The following IGFL2 variants were observed in gnomAD, a reference collection of about 807,000 sequenced individuals.
IGFL2 encodes insulin growth factor-like family member 2.
In IGFL2, 7 loss-of-function variants were observed where a neutral mutation model predicts 13.9. That is an observed-to-expected ratio of 0.51 (90% confidence interval 0.29 to 0.95). The LOEUF (loss-of-function observed/expected upper bound fraction) is 0.95, where lower values mean the gene tolerates loss of function less well. Ranked by LOEUF, IGFL2 falls within the 40% of genes least tolerant of loss-of-function variation. The probability of loss-of-function intolerance (pLI) is 0.08; values close to 1 mark genes in which losing one functional copy is unlikely to be tolerated. For synonymous variants in IGFL2, 55 were observed against 55.8 expected (o/e 0.99, Z 0.07); for missense variants, 138 against 147.8 (o/e 0.93, Z 0.34).
chr19:46,179,346 TGG>T, the IGFL2 span: 726 of 42,190 alleles, frequency 0.017, 8 homozygotes, highest in African/African-American at 0.062. Flanking sequence ...GGTCATAGGG[TGG>T]GGGGGGTCTG....
At chr19:46,146,589 G>A (rs570653653), upstream of IGFL2, among the ~76,000 whole-genome samples, 5 of 152,226 alleles carry the variant, frequency 3.3e-5, no homozygotes, top group African/African-American at 1.2e-4. Context: ...ACCACGACAT[G>A]ATATACCACT....
chr19:46,114,679 C>A, the IGFL2 span, among the ~76,000 whole-genome samples: 1 of 152,296 alleles, frequency 6.6e-6, no homozygotes, highest in Admixed American at 6.5e-5. Flanking sequence ...TTCTCCTTCT[C>A]TCTCTCCTGC....
chr19:46,164,509 A>G (rs1357273620), downstream of IGFL2: 2 of 152,230 alleles, frequency 1.3e-5, no homozygotes, highest in Non-Finnish European at 1.5e-5. Flanking sequence ...GAACATCAGC[A>G]GGGGTGGCTG....
chr19:46,101,592 GC>G, the IGFL2 span, among the ~76,000 whole-genome samples: 1 of 152,248 alleles, frequency 6.6e-6, no homozygotes, highest in Admixed American at 6.5e-5. Context: ...AAAAACGGCA[GC>G]CCCGAGCTGT....
chr19:46,121,003 A>G, the IGFL2 span, among the ~76,000 whole-genome samples: 1 of 150,700 alleles, frequency 6.6e-6, no homozygotes, highest in Non-Finnish European at 1.5e-5. Flanking sequence ...TTCATATCCA[A>G]CTTGTAGCCC....
the IGFL2 span, among the ~76,000 whole-genome samples, chr19:46,131,561 G>A: frequency 2.6e-5 from 4 of 152,158 alleles, no homozygotes; most frequent in South Asian, 8.3e-4. Flanking sequence ...TTTTTATTAG[G>A]TCTAGTTTGC....
chr19:46,125,880 T>C, the IGFL2 span, among the ~76,000 whole-genome samples: 1 of 152,202 alleles, frequency 6.6e-6, no homozygotes, highest in Admixed American at 6.5e-5. Flanking sequence ...AATAATATCT[T>C]TAATATACAA....
At chr19:46,117,207 T>G in the IGFL2 span, among the ~76,000 whole-genome samples, 1 of 152,166 alleles carries the variant, frequency 6.6e-6, no homozygotes, top group Non-Finnish European at 1.5e-5. Flanking sequence ...AAAGGTTAAT[T>G]GAGGCTGCAG....
At chr19:46,154,390 TA>T in intron 1 of IGFL2, among the ~76,000 whole-genome samples, 1 of 152,094 alleles carries the variant, frequency 6.6e-6, no homozygotes, top group Non-Finnish European at 1.5e-5. Flanking sequence ...CCTTCTTAGT[TA>T]TCTCTTTTTC....
At chr19:46,159,984 A>G (rs2146884664) in intron 1 of IGFL2, 1 of 200,206 alleles carries the variant, frequency 5.0e-6, no homozygotes, top group Admixed American at 5.4e-5. Context: ...CAAAAAGCAA[A>G]CAAACAAAAA....
the IGFL2 span, among the ~76,000 whole-genome samples, chr19:46,168,329 TG>T: frequency 6.6e-6 from 1 of 152,242 alleles, no homozygotes; most frequent in Non-Finnish European, 1.5e-5. Context: ...AGGCAGTTGC[TG>T]GGCAAATGTC....
the IGFL2 span, among the ~76,000 whole-genome samples, chr19:46,122,365 A>G: frequency 2.6e-5 from 4 of 151,204 alleles, 1 homozygote; most frequent in South Asian, 2.1e-4. Flanking sequence ...CTCCCAGCAC[A>G]TCTGTTTACA....
At chr19:46,084,846 A>G in the IGFL2 span, among the ~76,000 whole-genome samples, 4 of 152,158 alleles carry the variant, frequency 2.6e-5, no homozygotes, top group African/African-American at 9.7e-5. Flanking sequence ...AAAGATCCAG[A>G]CCATATCATT....
chr19:46,194,544 G>A, the IGFL2 span, among the ~76,000 whole-genome samples: 321 of 152,184 alleles, frequency 2.1e-3, no homozygotes, highest in Non-Finnish European at 3.1e-3. Flanking sequence ...ATCAAGGGCC[G>A]GACACGGTGG....
At chr19:46,081,277 ATTAC>A in the IGFL2 span, among the ~76,000 whole-genome samples, 1 of 152,216 alleles carries the variant, frequency 6.6e-6, no homozygotes, top group Non-Finnish European at 1.5e-5. Context: ...TGTCTAACTT[ATTAC>A]TTTAAAATAA....
At chr19:46,142,103 A>G (rs10424183), upstream of IGFL2, among the ~76,000 whole-genome samples, 4,390 of 152,114 alleles carry the variant, frequency 0.029, 205 homozygotes, top group African/African-American at 0.098. Context: ...AATTTACTTA[A>G]CCTCTCTGAG....
chr19:46,213,004 G>C, the IGFL2 span: 1 of 152,296 alleles, frequency 6.6e-6, no homozygotes. Flanking sequence ...AATGCCATGA[G>C]CTGCAGGTGA....
chr19:46,165,016 C>G (rs1974332552), downstream of IGFL2, among the ~76,000 whole-genome samples: 1 of 152,190 alleles, frequency 6.6e-6, no homozygotes, highest in Non-Finnish European at 1.5e-5. Context: ...CTTAGGCCTT[C>G]TAGGGTATTG....
At chr19:46,134,942 G>A in the IGFL2 span, among the ~76,000 whole-genome samples, 3 of 152,202 alleles carry the variant, frequency 2.0e-5, no homozygotes, top group Admixed American at 6.5e-5. Context: ...ACTGAGAAGA[G>A]GAGCAGCTCT....
Sources: gnomAD v4.1 joint callset for allele counts (sites outside exome capture counted in the v4.1 genomes callset) on GRCh38, gnomAD v4.1.1 for gene constraint, MANE v1.5 for transcripts, NCBI Gene and HGNC (gene_info 2026-07-23, HGNC 2026-07-21) for gene names.